Variants in EVI5 observed in about 807,000 individuals in gnomAD.
The protein encoded by EVI5 is ecotropic viral integration site 5.
In EVI5, 73 loss-of-function variants were observed where a neutral mutation model predicts 112.0. The observed-to-expected ratio is 0.65, with a 90% CI of 0.54 to 0.79. The LOEUF (loss-of-function observed/expected upper bound fraction) is 0.79. EVI5 is among the 30% of genes least tolerant of loss of function. The pLI, the probability that EVI5 is intolerant of heterozygous loss-of-function variation, is 0.00. For synonymous variants in EVI5, 305 were observed against 319.9 expected (o/e 0.95, Z 0.50); for missense variants, 900 against 968.8 (o/e 0.93, Z 0.94).
chr1:92,779,384 A>C (rs1684568562), intron 1 of EVI5, among the ~76,000 whole-genome samples: 1 of 152,054 alleles, frequency 6.6e-6, no homozygotes, highest in Non-Finnish European at 1.5e-5. Flanking sequence ...TTAGCTGGGC[A>C]TGATGGCAGA....
At chr1:92,683,474 A>C (rs1266848669) in intron 9 of EVI5, among the ~76,000 whole-genome samples, 1 of 152,204 alleles carries the variant, frequency 6.6e-6, no homozygotes, top group East Asian at 1.9e-4. Context: ...GAAGCTAAAA[A>C]TTCCAAAACA....
rs1399819793 is a variant in EVI5 at position 92,672,237 on chromosome 1, T to C, written c.1158+4921A>G. Among the ~76,000 whole-genome samples the C allele has an allele frequency of 2.6e-5, 4 of 152,224 alleles. No homozygotes were observed. In the South Asian group the frequency reaches 8.3e-4, roughly 32 times the overall value. On this transcript the variant is annotated intron_variant, in intron 10 of 19. Transcript: ENST00000684568. Reference sequence around the variant, plus strand: ...ACTGAACTTAAATCACATTTTGTCCTTCTCTGCTGAAAACTGCCATCTAAC... The same window carrying C: ...ACTGAACTTAAATCACATTTTGTCCCTCTCTGCTGAAAACTGCCATCTAAC...
chr1:92,673,826 C>T (rs891821071), intron 10 of EVI5, among the ~76,000 whole-genome samples: 13 of 152,080 alleles, frequency 8.5e-5, no homozygotes, highest in Non-Finnish European at 1.8e-4. Flanking sequence ...ATTTAAAAGT[C>T]GCATCTTAAC....
intron 13 of EVI5, among the ~76,000 whole-genome samples, chr1:92,653,909 G>A (rs1662576832): frequency 1.3e-5 from 2 of 152,102 alleles, no homozygotes; most frequent in Non-Finnish European, 1.5e-5. Context: ...TTGGGGACAG[G>A]GGCATGACAG....
chr1:92,719,588 T>A (rs1674392534), intron 2 of EVI5, among the ~76,000 whole-genome samples: 1 of 151,920 alleles, frequency 6.6e-6, no homozygotes, highest in African/African-American at 2.4e-5. Flanking sequence ...ACAGCCAATA[T>A]CATACTGAAT....
intron 5 of EVI5, among the ~76,000 whole-genome samples, chr1:92,700,303 T>C (rs1670950797): frequency 6.6e-6 from 1 of 152,232 alleles, no homozygotes; most frequent in Admixed American, 6.5e-5. Flanking sequence ...TACATACTTC[T>C]AACCATTTTG....
chr1:92,652,405 T>C (rs1662290425), intron 13 of EVI5, among the ~76,000 whole-genome samples: 1 of 152,206 alleles, frequency 6.6e-6, no homozygotes, highest in Non-Finnish European at 1.5e-5. Context: ...GAAAAGGTTC[T>C]ATAAATGAAC....
In EVI5 at chr1:92,607,616, C is replaced by G; in HGVS notation, c.1939G>C (p.Glu647Gln). ...QNKGLLTQLS[E>Q]AKRKQAEIEC... The stretch of plus-strand genomic sequence containing the variant: ...ATCTCTGCTTGTTTACGCTTTGCTT[C>G]ACTTAATTGAGTAAGGAGTCCTTTG... Residue 647 changes from glutamate to glutamine, a missense_variant, in exon 17 of 20, where the codon GAA becomes CAA. Coordinates refer to ENST00000684568, the MANE Select transcript of EVI5 (RefSeq NM_001350197.2). 2 of 1,597,270 alleles carry G rather than the reference C, an allele frequency of 1.3e-6. No individual in the cohort carries two copies. Among genetic ancestry groups the G allele is most frequent in the South Asian group, 2.3e-5 (2 of 86,650 alleles).
At chr1:92,721,888 G>A (rs1367638661) in intron 2 of EVI5, among the ~76,000 whole-genome samples, 2 of 152,006 alleles carry the variant, frequency 1.3e-5, no homozygotes, top group Non-Finnish European at 2.9e-5. Context: ...TTCAACTTTG[G>A]TCACTTACAA....
intron 17 of EVI5, among the ~76,000 whole-genome samples, chr1:92,607,097 T>C (rs953367837): frequency 1.3e-5 from 2 of 152,198 alleles, no homozygotes; most frequent in African/African-American, 4.8e-5. Context: ...ATTAAAATAA[T>C]AATGGGTAAT....
At chr1:92,518,985 C>G (rs1175053256) in intron 19 of EVI5, among the ~76,000 whole-genome samples, 1 of 152,180 alleles carries the variant, frequency 6.6e-6, no homozygotes, top group Non-Finnish European at 1.5e-5. Flanking sequence ...AAGATACTCA[C>G]TCAAACTATC....
chr1:92,528,404 CAA>C (rs1662284387), intron 19 of EVI5, among the ~76,000 whole-genome samples: 4 of 152,152 alleles, frequency 2.6e-5, no homozygotes. Flanking sequence ...TTTTCATTCT[CAA>C]AAGTGTCCTG....
At chr1:92,720,765 C>T (rs1288457220) in intron 2 of EVI5, among the ~76,000 whole-genome samples, 1 of 152,016 alleles carries the variant, frequency 6.6e-6, no homozygotes, top group Non-Finnish European at 1.5e-5. Flanking sequence ...AAAATCTTTG[C>T]AATCTACCCA....
At chr1:92,567,042 A>C (rs1001312856) in intron 18 of EVI5, among the ~76,000 whole-genome samples, 2 of 152,008 alleles carry the variant, frequency 1.3e-5, no homozygotes, top group African/African-American at 4.8e-5. Context: ...CCTGGCCTCA[A>C]GTGTTCCGCC....
intron 2 of EVI5, among the ~76,000 whole-genome samples, chr1:92,715,243 A>G (rs746440678): frequency 2.0e-5 from 3 of 151,896 alleles, no homozygotes; most frequent in Admixed American, 2.0e-4. Context: ...TCCTGACCTC[A>G]GGTGATCCAC....
chr1:92,588,162 T>A (rs953365349), intron 18 of EVI5, among the ~76,000 whole-genome samples: 27 of 152,230 alleles, frequency 1.8e-4, no homozygotes, highest in African/African-American at 6.5e-4. Flanking sequence ...CTAAATACCA[T>A]GAATTCTTAC....
At chr1:92,528,242 A>G (rs980806207) in intron 19 of EVI5, among the ~76,000 whole-genome samples, 1 of 152,194 alleles carries the variant, frequency 6.6e-6, no homozygotes, top group Non-Finnish European at 1.5e-5. Context: ...TGCTGGTGGG[A>G]GTGTAAACTG....
intron 1 of EVI5, among the ~76,000 whole-genome samples, chr1:92,771,788 T>G (rs1683444511): frequency 6.6e-6 from 1 of 151,772 alleles, no homozygotes; most frequent in Non-Finnish European, 1.5e-5. Context: ...ACATCAATTT[T>G]CAAGTGTATT....
At chr1:92,643,643 G>A (rs1181665742) in intron 13 of EVI5, among the ~76,000 whole-genome samples, 2 of 152,060 alleles carry the variant, frequency 1.3e-5, no homozygotes, top group African/African-American at 2.4e-5. Context: ...TGGAAGCAGT[G>A]ATCTACTAAA....
Sources: allele counts gnomAD v4.1 joint callset (sites outside exome capture counted in the v4.1 genomes callset), GRCh38; gene constraint gnomAD v4.1.1; transcripts MANE v1.5; gene names NCBI Gene and HGNC (gene_info 2026-07-23, HGNC 2026-07-21).